The following PPP4R2 variants were observed in gnomAD, a reference collection of about 807,000 sequenced individuals.
The protein encoded by PPP4R2 is protein phosphatase 4 regulatory subunit 2, also known as serine/threonine-protein phosphatase 4 regulatory subunit 2.
PPP4R2 carries 13 observed loss-of-function variants against 47.2 expected under a neutral mutation model. The observed-to-expected ratio is 0.28, with a 90% CI of 0.18 to 0.44. PPP4R2 has a LOEUF of 0.44. PPP4R2 is among the 20% of genes least tolerant of loss of function. The pLI is 1.00. For synonymous variants in PPP4R2, 151 were observed against 163.3 expected, an observed-to-expected ratio of 0.92 and a Z score of 0.57; for missense variants, 421 against 491.2, an observed-to-expected ratio of 0.86 and a Z score of 1.35.
chr3:73,052,241 C>CTT (rs71845467), intron 3 of PPP4R2, among the ~76,000 whole-genome samples: 46,213 of 136,420 alleles, frequency 0.34, 8,386 homozygotes, highest in South Asian at 0.46. Context: ...TAATTTCTTT[C>CTT]TTTTCTTTTT....
At position 73,018,452 on chromosome 3, in the gene PPP4R2, T is replaced by TGTTATGTTATGTTATGTTATGTTATG; in HGVS notation, c.116+20294_116+20295insGTTATGTTATGTTATGTTATGTTATG. Among the ~76,000 whole-genome samples the TGTTATGTTATGTTATGTTATGTTATG allele has an allele frequency of 9.5e-4, 92 of 96,558 alleles. 2 individuals carry two copies. Among genetic ancestry groups the TGTTATGTTATGTTATGTTATGTTATG allele is most frequent in the East Asian group, 4.9e-3 (17 of 3,456 alleles). The allele number at this position is 96,558 out of a possible 152,430, so 63.3% of individuals were successfully genotyped here. On this transcript the variant is annotated intron_variant, in intron 2 of 8. Coordinates refer to ENST00000356692, the MANE Select transcript of PPP4R2 (RefSeq NM_174907.4). ...TGTTATGTTATGTTATGTTATGTTA[T>TGTTATGTTATGTTATGTTATGTTATG]TTATGTTATGTTAGTATCCGAAACA...
At chr3:73,011,882 A>G (rs1268558383) in intron 2 of PPP4R2, among the ~76,000 whole-genome samples, 1 of 152,202 alleles carries the variant, frequency 6.6e-6, no homozygotes, top group African/African-American at 2.4e-5. Flanking sequence ...AGGTAGTTCT[A>G]ATATTCCCAT....
At chr3:73,047,492 TTGA>T (rs1464289163) in intron 3 of PPP4R2, 136 bp downstream of exon 3, 2 of 544,054 alleles carry the variant, frequency 3.7e-6, no homozygotes, top group Non-Finnish European at 6.1e-6. Flanking sequence ...CATGTAGTAG[TTGA>T]TGATTTTTAG....
At chr3:73,004,639 T>A (rs747833440) in intron 2 of PPP4R2, among the ~76,000 whole-genome samples, 1 of 152,184 alleles carries the variant, frequency 6.6e-6, no homozygotes, top group Admixed American at 6.5e-5. Context: ...GGTTTCACCA[T>A]GTTTTTAGGC....
chr3:73,000,924 AATT>A (rs1400509228), intron 2 of PPP4R2, among the ~76,000 whole-genome samples: 3 of 152,140 alleles, frequency 2.0e-5, no homozygotes, highest in Non-Finnish European at 4.4e-5. Context: ...TTTGAGTTGC[AATT>A]ATTATCCTTT....
chr3:73,063,318 TAAA>T (rs534798966), intron 5 of PPP4R2: 65 of 92,096 alleles, frequency 7.1e-4, no homozygotes, highest in South Asian at 2.0e-3. Flanking sequence ...TCTCATTATT[TAAA>T]AAAAAAAAAA....
At chr3:73,000,335 C>G (rs766067602) in intron 2 of PPP4R2, among the ~76,000 whole-genome samples, 24 of 151,818 alleles carry the variant, frequency 1.6e-4, no homozygotes, top group Middle Eastern at 6.8e-3. Flanking sequence ...GAGACTCTGT[C>G]TCAAAAAAAA....
chr3:73,020,860 GGA>G (rs1012923675), intron 2 of PPP4R2, among the ~76,000 whole-genome samples: 32 of 151,888 alleles, frequency 2.1e-4, no homozygotes, highest in African/African-American at 7.7e-4. Flanking sequence ...CTCACATGGT[GGA>G]GAGAGTATAA....
chr3:73,066,176 A>G lies in PPP4R2; in HGVS notation c.*454A>G, dbSNP rs1394409873. 2 of 148,278 alleles carry G rather than the reference A, an allele frequency of 1.3e-5. No individual in the cohort carries two copies. Among genetic ancestry groups the G allele is most frequent in the African/African-American group, 2.5e-5 (1 of 40,566 alleles). The allele number at this position is 148,278 out of a possible 1,614,324, so 9.2% of individuals were successfully genotyped here. On this transcript the variant is annotated 3_prime_UTR_variant, in exon 9 of 9. Coordinates refer to ENST00000356692, the MANE Select transcript of PPP4R2 (RefSeq NM_174907.4). ...TTTAACATGTGAATTATAGGGTTTC[A>G]TGCTGGTTTCCAGATTTTATTGTTT...
rs370965227 is a variant in PPP4R2, at chr3:73,046,919, CAT to C, written c.117-265_117-264del. Reference sequence around the variant, plus strand: ...ATACTAAGAATAGGACCTAACACACCATAGACTTTCAGGCAGAGGTAGTTCAT... The same window carrying C: ...ATACTAAGAATAGGACCTAACACACCAGACTTTCAGGCAGAGGTAGTTCAT... On this transcript the variant is annotated intron_variant, in intron 2 of 8. Transcript: ENST00000356692. Among the ~76,000 whole-genome samples the C allele has an allele frequency of 5.1e-3, 782 of 152,080 alleles. 7 individuals carry two copies. Among genetic ancestry groups the C allele is most frequent in the African/African-American group, 0.018 (753 of 41,484 alleles).
chr3:73,033,685 A>G (rs554639143), intron 2 of PPP4R2, among the ~76,000 whole-genome samples: 55 of 152,308 alleles, frequency 3.6e-4, no homozygotes, highest in African/African-American at 1.3e-3. Context: ...TTAAACAATA[A>G]TGACCATTCC....
chr3:73,039,530 C>T (rs891123464), intron 2 of PPP4R2, among the ~76,000 whole-genome samples: 1 of 152,080 alleles, frequency 6.6e-6, no homozygotes, highest in Non-Finnish European at 1.5e-5. Context: ...CAAAAATAAG[C>T]AAAAGACAGA....
intron 2 of PPP4R2, among the ~76,000 whole-genome samples, chr3:73,036,056 C>T (rs1702255528): frequency 6.6e-6 from 1 of 152,220 alleles, no homozygotes; most frequent in South Asian, 2.1e-4. Flanking sequence ...CAGTCCAATT[C>T]AGATATAAAA....
chr3:73,065,221 T>G, intron 8 of PPP4R2, 80 bp downstream of exon 8: 1 of 1,415,214 alleles, frequency 7.1e-7, no homozygotes, highest in Non-Finnish European at 9.4e-7. Flanking sequence ...TGAAAGAATT[T>G]TACGTAATGG....
intron 2 of PPP4R2, among the ~76,000 whole-genome samples, chr3:73,038,339 A>C (rs551470726): frequency 5.9e-5 from 9 of 152,118 alleles, no homozygotes; most frequent in Non-Finnish European, 1.3e-4. Flanking sequence ...CTATGTTGGT[A>C]TAGTAATAGA....
intron 2 of PPP4R2, among the ~76,000 whole-genome samples, chr3:73,021,452 G>T (rs1701958061): frequency 6.6e-6 from 1 of 151,920 alleles, no homozygotes; most frequent in Non-Finnish European, 1.5e-5. Flanking sequence ...GCCCAGGCTG[G>T]TCTCAAATTC....
chr3:73,034,014 A>C (rs1702217778), intron 2 of PPP4R2, among the ~76,000 whole-genome samples: 1 of 152,214 alleles, frequency 6.6e-6, no homozygotes. Context: ...TTACGTTCCC[A>C]TCAGCAGTGC....
At chr3:73,045,793 G>A (rs1431058613) in intron 2 of PPP4R2, among the ~76,000 whole-genome samples, 2 of 152,098 alleles carry the variant, frequency 1.3e-5, no homozygotes, top group Non-Finnish European at 2.9e-5. Context: ...ACAGGTGTGA[G>A]CCATCACACC....
Position 73,064,162 on chromosome 3 carries a change from A to T in PPP4R2, c.638+16A>T. 1.3e-6 allele frequency: 2 copies of T among 1,588,742 alleles called. No homozygotes were observed. Among genetic ancestry groups the T allele is most frequent in the Non-Finnish European group, 1.7e-6 (2 of 1,169,868 alleles). On this transcript the variant is annotated intron_variant, in intron 7 of 8. Coordinates refer to ENST00000356692, the MANE Select transcript of PPP4R2 (RefSeq NM_174907.4). ...AAAATCACAGGTTTGTATGTTTTAT[A>T]TTTAAAAACAGTGTTTTTATTAAAA...
Sources: allele counts gnomAD v4.1 joint callset (sites outside exome capture counted in the v4.1 genomes callset), GRCh38; gene constraint gnomAD v4.1.1; transcripts MANE v1.5; gene names NCBI Gene and HGNC (gene_info 2026-07-23, HGNC 2026-07-21).